ZMAT4: variants seen among roughly 807,000 people sequenced by gnomAD.
ZMAT4 encodes zinc finger matrin-type protein 4.
ZMAT4 carries 17 observed loss-of-function variants against 28.7 expected under a neutral mutation model. The observed-to-expected ratio is 0.59, with a 90% confidence interval of 0.41 to 0.89. The LOEUF (loss-of-function observed/expected upper bound fraction) is 0.89. Ranked by LOEUF, ZMAT4 falls within the 40% of genes least tolerant of loss-of-function variation. ZMAT4 has a pLI of 0.00. For synonymous variants in ZMAT4, 117 were observed against 109.2 expected, an observed-to-expected ratio of 1.07 and a Z score of -0.44; for missense variants, 240 against 283.8, an observed-to-expected ratio of 0.85 and a Z score of 1.11.
At chr8:40,732,304 G>A (rs1016729450) in intron 3 of ZMAT4, among the ~76,000 whole-genome samples, 15 of 152,142 alleles carry the variant, frequency 9.9e-5, no homozygotes, top group East Asian at 3.9e-4. Context: ...TGCCTACAAC[G>A]GGAAGGTCAG....
At chr8:40,799,204 T>TA (rs1814727759) in intron 2 of ZMAT4, among the ~76,000 whole-genome samples, 1 of 123,102 alleles carries the variant, frequency 8.1e-6, no homozygotes, top group East Asian at 2.8e-4. Context: ...GAAGGATAGA[T>TA]GGGTGGATGG....
chr8:40,729,597 CTTTTT>C (rs71546305), intron 3 of ZMAT4, among the ~76,000 whole-genome samples: 9 of 142,390 alleles, frequency 6.3e-5, no homozygotes, highest in Admixed American at 2.1e-4. Flanking sequence ...TTCTTTCTTT[CTTTTT>C]TTTTTTTTTT....
chr8:40,578,955 C>T (rs765379789), intron 6 of ZMAT4, among the ~76,000 whole-genome samples: 1 of 152,182 alleles, frequency 6.6e-6, no homozygotes, highest in Admixed American at 6.5e-5. Context: ...AGTCAGACAC[C>T]ACTGTGATCA....
intron 3 of ZMAT4, among the ~76,000 whole-genome samples, chr8:40,724,081 T>C (rs1811222634): frequency 6.6e-6 from 1 of 152,164 alleles, no homozygotes; most frequent in South Asian, 2.1e-4. Flanking sequence ...TTCTTGTCCT[T>C]TGGGCTTGTT....
intron 6 of ZMAT4, among the ~76,000 whole-genome samples, chr8:40,578,469 T>A (rs997545070): frequency 3.9e-5 from 6 of 152,042 alleles, no homozygotes; most frequent in Non-Finnish European, 8.8e-5. Flanking sequence ...CTCAAAAAAA[T>A]TTAACCATAA....
intron 1 of ZMAT4, among the ~76,000 whole-genome samples, chr8:40,827,116 C>T (rs956323555): frequency 3.3e-5 from 5 of 152,144 alleles, no homozygotes; most frequent in African/African-American, 4.8e-5. Flanking sequence ...AATATGGCCT[C>T]GCTTGCATGA....
At chr8:40,609,541 A>G (rs1805719076) in intron 5 of ZMAT4, among the ~76,000 whole-genome samples, 1 of 152,112 alleles carries the variant, frequency 6.6e-6, no homozygotes, top group African/African-American at 2.4e-5. Context: ...TCTCCCTTTC[A>G]ATAAGAATTT....
At position 40,852,116 on chromosome 8, in the gene ZMAT4, C is replaced by T. The variant is rs1817131857; in HGVS notation, c.-4-26436G>A. ...GGCCAGGCTAGTCTTGAACTCCTGA[C>T]CTCAAGTGATCCACTTGCCTTGGCC... On this transcript the variant is annotated intron_variant, in intron 1 of 6. Transcript: ENST00000297737. 3.9e-5 allele frequency among the ~76,000 whole-genome samples: 6 copies of T among 152,186 alleles called. 1 individual carries two copies. The South Asian group carries it at 1.2e-3, about 32-fold the overall frequency.
chr8:40,733,828 A>G (rs62497412), intron 3 of ZMAT4, among the ~76,000 whole-genome samples: 37,929 of 152,034 alleles, frequency 0.25, 5,362 homozygotes, highest in East Asian at 0.56. Flanking sequence ...ATGTTTCCTG[A>G]GCCTTGCCAT....
At chr8:40,762,721 TC>T (rs1812990979) in intron 3 of ZMAT4, among the ~76,000 whole-genome samples, 1 of 152,108 alleles carries the variant, frequency 6.6e-6, no homozygotes, top group Admixed American at 6.6e-5. Context: ...CAGTTTCAAA[TC>T]CAGCAACCAC....
intron 6 of ZMAT4, among the ~76,000 whole-genome samples, chr8:40,570,233 G>C (rs1358600004): frequency 6.6e-6 from 1 of 152,054 alleles, no homozygotes; most frequent in Non-Finnish European, 1.5e-5. Flanking sequence ...ATGGGGGTAG[G>C]AAATTGGGCA....
At chr8:40,792,899 T>C (rs1037359958) in intron 2 of ZMAT4, among the ~76,000 whole-genome samples, 2 of 151,822 alleles carry the variant, frequency 1.3e-5, no homozygotes, top group East Asian at 3.9e-4. Flanking sequence ...TTCTAAATAA[T>C]GGAAAACTAT....
At chr8:40,647,251 T>C (rs1807367879) in intron 5 of ZMAT4, among the ~76,000 whole-genome samples, 1 of 152,166 alleles carries the variant, frequency 6.6e-6, no homozygotes, top group Non-Finnish European at 1.5e-5. Context: ...GGCGAGGCAT[T>C]GCCTCACTTG....
At chr8:40,772,004 T>C (rs925068855) in intron 2 of ZMAT4, among the ~76,000 whole-genome samples, 1 of 152,184 alleles carries the variant, frequency 6.6e-6, no homozygotes, top group African/African-American at 2.4e-5. Flanking sequence ...TAAATGTATA[T>C]ATTACAGAGT....
At chr8:40,554,926 G>C (rs943396780) in intron 6 of ZMAT4, among the ~76,000 whole-genome samples, 1 of 151,938 alleles carries the variant, frequency 6.6e-6, no homozygotes, top group African/African-American at 2.4e-5. Context: ...ACTGTATTTT[G>C]TGTCCATTAA....
chr8:40,539,668 C>T (rs1802964167), intron 6 of ZMAT4, among the ~76,000 whole-genome samples: 1 of 152,162 alleles, frequency 6.6e-6, no homozygotes, highest in Non-Finnish European at 1.5e-5. Flanking sequence ...ATGAATGTGA[C>T]CAGTAACCAC....
At chr8:40,690,784 A>G (rs1302618267) in intron 4 of ZMAT4, 1 of 502,066 alleles carries the variant, frequency 2.0e-6, no homozygotes, top group African/African-American at 2.1e-5. Context: ...TTTATGTAAA[A>G]GTTCTGAAGC....
intron 1 of ZMAT4, among the ~76,000 whole-genome samples, chr8:40,881,457 A>AAGAAAGAAAGAG (rs1818233224): frequency 7.0e-6 from 1 of 143,404 alleles, no homozygotes; most frequent in Non-Finnish European, 1.5e-5. Context: ...GAAAGAAAGA[A>AAGAAAGAAAGAG]AGAAAGAAAG....
chr8:40,648,926 G>A (rs904638027), intron 5 of ZMAT4, among the ~76,000 whole-genome samples: 26 of 143,792 alleles, frequency 1.8e-4, no homozygotes, highest in African/African-American at 5.1e-4. Flanking sequence ...TGAAGGAAGC[G>A]CTAAATATGG....
Sources: gnomAD v4.1 joint callset for allele counts (sites outside exome capture counted in the v4.1 genomes callset) on GRCh38, gnomAD v4.1.1 for gene constraint, MANE v1.5 for transcripts, NCBI Gene and HGNC (gene_info 2026-07-23, HGNC 2026-07-21) for gene names.